Variants in TNIK observed in about 807,000 individuals in gnomAD.
TNIK encodes TRAF2 and NCK interacting kinase.
Under a neutral mutation model 191.3 loss-of-function variants are expected in TNIK, and 49 were observed. That is an observed-to-expected ratio of 0.26 (90% CI 0.20 to 0.32). The LOEUF (loss-of-function observed/expected upper bound fraction) is 0.32. Among genes scored for constraint, TNIK ranks in the 10% least tolerant of loss-of-function variants. The probability of loss-of-function intolerance (pLI) is 1.00; values close to 1 mark genes in which losing one functional copy is unlikely to be tolerated. For synonymous variants in TNIK, 594 were observed against 600.9 expected (o/e 0.99, Z 0.17); for missense variants, 1,155 against 1,702.3 (o/e 0.68, Z 5.66).
chr3:171,338,302 T>C (rs1266331171), intron 2 of TNIK, among the ~76,000 whole-genome samples: 1 of 152,152 alleles, frequency 6.6e-6, no homozygotes, highest in Non-Finnish European at 1.5e-5. Flanking sequence ...ATATATGAAA[T>C]CCCACCATCC....
chr3:171,360,920 C>A (rs73879543), intron 2 of TNIK, among the ~76,000 whole-genome samples: 1,689 of 152,326 alleles, frequency 0.011, 18 homozygotes, highest in South Asian at 0.019. Flanking sequence ...AGACTTCAAA[C>A]CCTTGGAGGG....
chr3:171,122,239 G>T (rs775245118), intron 18 of TNIK, among the ~76,000 whole-genome samples: 1 of 152,164 alleles, frequency 6.6e-6, no homozygotes, highest in Non-Finnish European at 1.5e-5. Flanking sequence ...CTAAGCAACC[G>T]ATCCAATGAA....
At chr3:171,359,989 C>T (rs1714731928) in intron 2 of TNIK, among the ~76,000 whole-genome samples, 1 of 152,124 alleles carries the variant, frequency 6.6e-6, no homozygotes, top group Admixed American at 6.5e-5. Context: ...AACTACAAGT[C>T]ATGAGGGGGT....
At chr3:171,298,104 T>C (rs1236821649) in intron 2 of TNIK, among the ~76,000 whole-genome samples, 1 of 152,210 alleles carries the variant, frequency 6.6e-6, no homozygotes, top group Non-Finnish European at 1.5e-5. Flanking sequence ...TTCCATTCAA[T>C]ATGAACAAGT....
intron 27 of TNIK, 112 bp from the exon 28 acceptor site, chr3:171,079,764 T>C: frequency 7.8e-7 from 1 of 1,276,734 alleles, no homozygotes; most frequent in Admixed American, 2.8e-5. Flanking sequence ...TGTGTGTGTA[T>C]GAAGGCATAA....
intron 2 of TNIK, among the ~76,000 whole-genome samples, chr3:171,263,670 A>C (rs1393465656): frequency 6.6e-6 from 1 of 152,118 alleles, no homozygotes; most frequent in East Asian, 1.9e-4. Flanking sequence ...TAGTAAGTTC[A>C]GTGAAGGTCA....
intron 1 of TNIK, among the ~76,000 whole-genome samples, chr3:171,457,812 A>C (rs1234867667): frequency 6.6e-6 from 1 of 152,254 alleles, no homozygotes; most frequent in East Asian, 1.9e-4. Flanking sequence ...AAACAGAAGC[A>C]GAGCCCTAAG....
At chr3:171,163,834 C>T (rs1162018316) in intron 10 of TNIK, among the ~76,000 whole-genome samples, 5 of 150,614 alleles carry the variant, frequency 3.3e-5, no homozygotes, top group African/African-American at 1.2e-4. Flanking sequence ...CTTTTGACTG[C>T]TTTTATATTA....
At chr3:171,177,491 A>G (rs1231155536) in intron 7 of TNIK, 111 bp from the exon 8 acceptor site, 2 of 1,323,718 alleles carry the variant, frequency 1.5e-6, no homozygotes, top group Non-Finnish European at 2.1e-6. Flanking sequence ...TTTTCTGTTT[A>G]CAAACCTATT....
chr3:171,067,498 G>A lies in TNIK; in HGVS notation c.3700-763C>T, dbSNP rs561532326. 2.0e-5 allele frequency among the ~76,000 whole-genome samples: 3 copies of A among 151,750 alleles called. No individual in the cohort carries two copies. In the East Asian group the frequency reaches 5.8e-4, roughly 30 times the overall value. ...ATCCTGGCTAACACGATGAAACCCC[G>A]TCTCTACTAAAAATACAAAAAATTA... On this transcript the variant is annotated intron_variant, in intron 30 of 32. Coordinates refer to ENST00000436636, the MANE Select transcript of TNIK (RefSeq NM_015028.4).
chr3:171,150,533 G>A (rs1035886366), intron 12 of TNIK, among the ~76,000 whole-genome samples: 40 of 152,326 alleles, frequency 2.6e-4, no homozygotes, highest in African/African-American at 9.6e-4. Context: ...GTTAGGAAAT[G>A]AAATTTCATG....
intron 23 of TNIK, among the ~76,000 whole-genome samples, chr3:171,088,981 T>G (rs575097479): frequency 5.3e-5 from 8 of 152,380 alleles, no homozygotes; most frequent in African/African-American, 1.9e-4. Context: ...AGCTTTTTAC[T>G]TCTGGAGCTT....
chr3:171,186,475 T>C (rs953294638), intron 7 of TNIK, among the ~76,000 whole-genome samples: 1 of 152,228 alleles, frequency 6.6e-6, no homozygotes, highest in African/African-American at 2.4e-5. Flanking sequence ...TATTATAAAG[T>C]CCTCTGTAGA....
At chr3:171,430,662 A>AAAAAAAAAAAAT (rs1553776849) in intron 1 of TNIK, among the ~76,000 whole-genome samples, 1 of 151,470 alleles carries the variant, frequency 6.6e-6, no homozygotes, top group Admixed American at 6.6e-5. Context: ...AAAAAAAAAA[A>AAAAAAAAAAAAT]GAAATGAAAT....
At chr3:171,350,695 A>G (rs1381208005) in intron 2 of TNIK, among the ~76,000 whole-genome samples, 1 of 150,842 alleles carries the variant, frequency 6.6e-6, no homozygotes, top group African/African-American at 2.4e-5. Flanking sequence ...AACTTTTTTG[A>G]GTACTCACTG....
intron 1 of TNIK, 77 bp downstream of exon 1, chr3:171,459,930 C>T: frequency 2.1e-6 from 3 of 1,445,826 alleles, no homozygotes; most frequent in Non-Finnish European, 2.8e-6. Context: ...GCCCCAGCCC[C>T]AGCCCCCAGT....
intron 1 of TNIK, among the ~76,000 whole-genome samples, chr3:171,379,464 T>G (rs909980600): frequency 1.3e-5 from 2 of 152,232 alleles, no homozygotes; most frequent in Non-Finnish European, 2.9e-5. Context: ...GCCCTTCTCA[T>G]GCTTCTTGAC....
intron 1 of TNIK, among the ~76,000 whole-genome samples, chr3:171,394,782 A>T (rs543281567): frequency 1.9e-4 from 29 of 152,288 alleles, no homozygotes; most frequent in African/African-American, 6.5e-4. Flanking sequence ...TTTGTGCTCC[A>T]CTGAAAATTA....
chr3:171,149,520 G>T (rs998367860), intron 12 of TNIK, among the ~76,000 whole-genome samples: 1 of 152,170 alleles, frequency 6.6e-6, no homozygotes, highest in African/African-American at 2.4e-5. Flanking sequence ...ACAGGATCCA[G>T]GTGACAAAGC....
Sources: gnomAD v4.1 joint callset for allele counts (sites outside exome capture counted in the v4.1 genomes callset) on GRCh38, gnomAD v4.1.1 for gene constraint, MANE v1.5 for transcripts, NCBI Gene and HGNC (gene_info 2026-07-23, HGNC 2026-07-21) for gene names.